Variants in FAT2 observed in about 807,000 individuals in gnomAD.
FAT2 encodes protocadherin Fat 2.
A neutral mutation model predicts 295.3 loss-of-function variants in FAT2; 150 were observed. The observed-to-expected ratio is 0.51, with a 90% CI of 0.44 to 0.58. The LOEUF is 0.58. Among genes scored for constraint, FAT2 ranks in the 20% least tolerant of loss-of-function variants. FAT2 has a pLI of 0.00. For synonymous variants in FAT2, 2,026 were observed against 2,150.3 expected (o/e 0.94, Z 1.60); for missense variants, 4,868 against 5,442.7 (o/e 0.89, Z 3.32).
At chr5:151,516,583 T>C (rs1453151776) in intron 20 of FAT2, among the ~76,000 whole-genome samples, 1 of 152,158 alleles carries the variant, frequency 6.6e-6, no homozygotes, top group Non-Finnish European at 1.5e-5. Context: ...TCCTTTTTGC[T>C]CATAATACTT....
In FAT2 at chr5:151,563,643, G is replaced by C; in HGVS notation, c.3260-4C>G. 1 of 1,609,324 alleles carries C rather than the reference G, an allele frequency of 6.2e-7. No individual in the cohort carries two copies. The highest frequency in any genetic ancestry group is 1.3e-5 in the African/African-American group (1 of 74,666). The stretch of plus-strand genomic sequence containing the variant: ...GGTGCCAGAGTCTGAATCATTCCTA[G>C]GGACAGTAAGTCAGCAAACCCAAAA... On this transcript the variant is annotated splice_region_variant and splice_polypyrimidine_tract_variant and intron_variant, in intron 2 of 23. Coordinates refer to ENST00000261800, the MANE Select transcript of FAT2 (RefSeq NM_001447.3).
At chr5:151,560,865 T>C (rs548141365) in intron 3 of FAT2, among the ~76,000 whole-genome samples, 122 of 152,362 alleles carry the variant, frequency 8.0e-4, no homozygotes, top group African/African-American at 2.7e-3. Context: ...TGGCAGAGAT[T>C]CATTCATCCA....
intron 8 of FAT2, 100 bp from the exon 9 acceptor site, chr5:151,549,605 C>T: frequency 1.1e-6 from 1 of 898,818 alleles, no homozygotes; most frequent in Non-Finnish European, 1.8e-6. Flanking sequence ...TTAAAATATG[C>T]CCAATTGTAA....
At chr5:151,538,102 G>A (rs543393902) in intron 11 of FAT2, among the ~76,000 whole-genome samples, 156 bp from the exon 12 acceptor site, 17 of 152,120 alleles carry the variant, frequency 1.1e-4, no homozygotes, top group Non-Finnish European at 2.1e-4. Context: ...GACAGAGAGA[G>A]AGAAAGAGAA....
intron 13 of FAT2, among the ~76,000 whole-genome samples, chr5:151,533,947 G>T (rs1754961342): frequency 6.6e-6 from 1 of 152,054 alleles, no homozygotes; most frequent in African/African-American, 2.4e-5. Flanking sequence ...TGAAAATATG[G>T]AGTTAAAATG....
intron 1 of FAT2, among the ~76,000 whole-genome samples, chr5:151,582,372 C>T (rs1035214645): frequency 6.6e-6 from 1 of 152,224 alleles, no homozygotes; most frequent in Non-Finnish European, 1.5e-5. Context: ...GTGTTCTCAT[C>T]CGCAAAGCTG....
chr5:151,512,046 G>C lies in FAT2; in HGVS notation c.11905+119C>G, dbSNP rs1581275582. On this transcript the variant is annotated intron_variant, in intron 21 of 23. Transcript: ENST00000261800. The surrounding 1 kb of genome is among the most constrained non-coding windows in gnomAD (Gnocchi z 4.1). The stretch of plus-strand genomic sequence containing the variant: ...ATTCCAACCTGTTACTCACAAGTTA[G>C]GGGAAGAGAGAGAAATTTGGAACCA... The C allele has an allele frequency of 9.2e-6, 8 of 873,748 alleles. No homozygotes were observed. The East Asian group carries it at 2.1e-4, about 23-fold the overall frequency. The allele number at this position is 873,748 out of a possible 1,614,324, so 54.1% of individuals were successfully genotyped here.
Position 151,505,489 on chromosome 5 carries a change from A to AC in FAT2, c.*75dup, listed in dbSNP as rs1760765490. On this transcript the variant is annotated 3_prime_UTR_variant, in exon 24 of 24. Transcript: ENST00000261800. ...CCACTCTCCCAGCCACACTCAACTC[A>AC]CCCCCTACGAGACAGGAAGAAATAA... 1.9e-6 allele frequency: 3 copies of AC among 1,563,360 alleles called. No individual in the cohort carries two copies. The African/African-American group carries it at 4.2e-5, about 22-fold the overall frequency.
intron 1 of FAT2, among the ~76,000 whole-genome samples, chr5:151,571,030 G>C (rs1758500173): frequency 1.3e-5 from 2 of 152,088 alleles, no homozygotes; most frequent in Non-Finnish European, 2.9e-5. Context: ...TGTTGGTGGT[G>C]CCCTAAGCTT....
chr5:151,544,600 T>A lies in FAT2; in HGVS notation c.6527A>T (p.Tyr2176Phe). ...KSNPLFQSPY[Y>F]KVRVPENITL... is the part of the protein sequence containing the mutation. ...GATATTTTCAGGTACTCTGACTTTGTAATAAGGACTCTGAAACAGTGGGTT... is the reference window on the plus strand; with the variant it reads ...GATATTTTCAGGTACTCTGACTTTGAAATAAGGACTCTGAAACAGTGGGTT... Residue 2176 changes from tyrosine (Y) to phenylalanine (F), a missense_variant, in exon 10 of 24, where the codon TAC (tyrosine) becomes TTC (phenylalanine). By Grantham distance (22) the Tyr-to-Phe change is conservative. Coordinates refer to ENST00000261800, the MANE Select transcript of FAT2 (RefSeq NM_001447.3). The A allele has an allele frequency of 1.2e-6, 2 of 1,614,118 alleles. No individual in the cohort carries two copies. The highest frequency in any genetic ancestry group is 1.7e-6 in the Non-Finnish European group (2 of 1,180,022).
intron 2 of FAT2, 67 bp from the exon 3 acceptor site, chr5:151,563,706 AC>A: frequency 7.2e-7 from 1 of 1,380,606 alleles, no homozygotes; most frequent in Non-Finnish European, 1.0e-6. Context: ...AATCACCCTT[AC>A]CCACCATTCC....
At position 151,543,723 on chromosome 5, in the gene FAT2, G is replaced by A. The variant is rs2127608185; in HGVS notation, c.7404C>T (p.Tyr2468=). Reference sequence around the variant, plus strand: ...ACTTGTTGGCATTTGTAGTGTTGATGTACACAGGCACAGTTGCTCGGAAGA... The same window carrying A: ...ACTTGTTGGCATTTGTAGTGTTGATATACACAGGCACAGTTGCTCGGAAGA... ...DGVFRATVPV[Y]INTTNANKYS... is the part of the protein sequence containing the mutation. Residue 2468 remains tyrosine (Y), a synonymous_variant, in exon 10 of 24, where the codon TAC becomes TAT. Coordinates refer to ENST00000261800, the MANE Select transcript of FAT2 (RefSeq NM_001447.3). 1.2e-6 allele frequency: 2 copies of A among 1,614,168 alleles called. No homozygotes were observed. Among genetic ancestry groups the A allele is most frequent in the South Asian group, 1.1e-5 (1 of 91,082 alleles).
chr5:151,543,361 T>C lies in FAT2; in HGVS notation c.7766A>G (p.Glu2589Gly). ...ATTGGATTGAATGGATACTGTGTAC[T>C]CAGATGCTTTGAACTGTGGGGGGTT... ...NDNPPQFKASEYTVSIQSNVS... is the reference protein window; with the variant it reads ...NDNPPQFKASGYTVSIQSNVS... The change falls in exon 10 of 24, where the codon GAG (glutamate) becomes GGG (glycine). Residue 2589 changes from glutamate (E) to glycine (G), a missense_variant. Around this residue, in one of 5 missense-constraint regions of FAT2, gnomAD observed 3,297 missense variants for 3,669.4 expected, o/e 0.90. Transcript: ENST00000261800. The C allele has an allele frequency of 6.2e-7, 1 of 1,614,206 alleles. No individual in the cohort carries two copies.
chr5:151,564,906 C>A (rs1304040693), intron 2 of FAT2, among the ~76,000 whole-genome samples: 1 of 151,932 alleles, frequency 6.6e-6, no homozygotes, highest in Non-Finnish European at 1.5e-5. Context: ...AAACCCGTTT[C>A]TACTAAAAAT....
chr5:151,592,520 C>G (rs934963862), upstream of FAT2, among the ~76,000 whole-genome samples: 1 of 152,140 alleles, frequency 6.6e-6, no homozygotes, highest in Non-Finnish European at 1.5e-5. Flanking sequence ...AGAAGCTTAT[C>G]ACCTCTCCCA....
intron 10 of FAT2, 81 bp downstream of exon 10, chr5:151,542,204 C>T (rs2127604881): frequency 2.9e-6 from 4 of 1,393,910 alleles, no homozygotes; most frequent in Non-Finnish European, 3.9e-6. Context: ...AAATCCAGGA[C>T]ATGAACCCAT....
chr5:151,591,650 C>T (rs1416425983), upstream of FAT2, among the ~76,000 whole-genome samples: 1 of 152,090 alleles, frequency 6.6e-6, no homozygotes, highest in Non-Finnish European at 1.5e-5. Flanking sequence ...GTGTTCTCTC[C>T]ACTCCTCCAT....
chr5:151,544,446 T>G lies in FAT2; in HGVS notation c.6681A>C (p.Val2227=). 8 of 1,614,210 alleles carry G rather than the reference T, an allele frequency of 5.0e-6. No homozygotes were observed. Among genetic ancestry groups the G allele is most frequent in the Non-Finnish European group, 6.8e-6 (8 of 1,180,026 alleles). ...TTDFKTGVLT[V]TGPLDYESKT... ...TGGACTCATAGTCCAAAGGCCCTGT[T>G]ACTGTTAGGACACCAGTCTTGAAGT... The change falls in exon 10 of 24, where the codon GTA becomes GTC. Residue 2227 remains valine, a synonymous_variant. Transcript: ENST00000261800.
chr5:151,549,991 T>C (rs904162338), intron 8 of FAT2, among the ~76,000 whole-genome samples: 9 of 152,164 alleles, frequency 5.9e-5, no homozygotes, highest in African/African-American at 2.2e-4. Flanking sequence ...GAGGCCAGGC[T>C]CCGATTCTGG....
Sources: gnomAD v4.1 joint callset for allele counts (sites outside exome capture counted in the v4.1 genomes callset) on GRCh38, gnomAD v4.1.1 for gene constraint, gnomAD v4.1.1 regional missense constraint, Gnocchi (gnomAD v3.1) non-coding constraint, MANE v1.5 for transcripts, NCBI Gene and HGNC (gene_info 2026-07-23, HGNC 2026-07-21) for gene names.